Variants in SLC39A8 observed in about 807,000 individuals in gnomAD.
SLC39A8 encodes solute carrier family 39 member 8.
In SLC39A8, 15 loss-of-function variants were observed where a neutral mutation model predicts 40.4. The observed-to-expected ratio is 0.37, with a 90% CI of 0.25 to 0.57. SLC39A8 has a LOEUF of 0.57. SLC39A8 is among the 20% of genes least tolerant of loss of function. The pLI is 0.75. For synonymous variants in SLC39A8, 223 were observed against 221.6 expected (o/e 1.01, Z -0.06); for missense variants, 472 against 558.8 (o/e 0.84, Z 1.57).
At chr4:102,267,188 A>G (rs1356606485) in intron 8 of SLC39A8, among the ~76,000 whole-genome samples, 2 of 151,894 alleles carry the variant, frequency 1.3e-5, no homozygotes, top group African/African-American at 4.9e-5. Flanking sequence ...AACATAAGAC[A>G]AGATGTACCA....
intron 6 of SLC39A8, among the ~76,000 whole-genome samples, chr4:102,282,025 C>T (rs1732905364): frequency 6.6e-6 from 1 of 152,210 alleles, no homozygotes; most frequent in Non-Finnish European, 1.5e-5. Flanking sequence ...TTAATCTTCA[C>T]AACTGCCCTA....
At chr4:102,344,981 G>C in intron 1 of SLC39A8, 66 bp from the exon 2 acceptor site, 1 of 1,055,348 alleles carries the variant, frequency 9.5e-7, no homozygotes, top group Non-Finnish European at 1.2e-6. Flanking sequence ...GCAGGCTCCA[G>C]AAACGCTGCG....
chr4:102,274,135 G>A (rs550689114), intron 6 of SLC39A8, among the ~76,000 whole-genome samples: 1 of 152,172 alleles, frequency 6.6e-6, no homozygotes, highest in Non-Finnish European at 1.5e-5. Flanking sequence ...CAGAAGGTGG[G>A]TAAAAACAAA....
intron 6 of SLC39A8, among the ~76,000 whole-genome samples, chr4:102,274,600 A>C (rs1732529608): frequency 6.6e-6 from 1 of 152,180 alleles, no homozygotes; most frequent in Admixed American, 6.5e-5. Flanking sequence ...AAATACAGAG[A>C]ACACCACTAA....
At position 102,253,621 on chromosome 4, in the gene SLC39A8, A is replaced by G. The variant is rs1037471856; in HGVS notation, c.*299-191T>C. On this transcript the variant is annotated intron_variant and NMD_transcript_variant, in intron 11 of 11. Transcript: ENST00000424970. ...AATAATATATTTTGAATAATTCAAAAATCCCACCAAGACTTCTTCTAATTT... is the reference window on the plus strand; with the variant it reads ...AATAATATATTTTGAATAATTCAAAGATCCCACCAAGACTTCTTCTAATTT... Among the ~76,000 whole-genome samples the G allele has an allele frequency of 5.3e-5, 8 of 152,320 alleles. 1 individual carries two copies. The highest frequency in any genetic ancestry group is 3.9e-4 in the Admixed American group (6 of 15,302).
In SLC39A8 at chr4:102,344,495, T is replaced by A; in HGVS notation, c.168A>T (p.Gly56=). 1 of 1,554,998 alleles carries A rather than the reference T, an allele frequency of 6.4e-7. No homozygotes were observed. Among genetic ancestry groups the A allele is most frequent in the South Asian group, 1.2e-5 (1 of 83,638 alleles). The stretch of plus-strand genomic sequence containing the variant: ...CCGGGACGCCCACGCGGGAGGCGGC[T>A]CCCATCTGCTCCAGCAAGTGCTGGA... ...AQLQHLLEQM[G]AASRVGVPEP... Residue 56 remains glycine, a synonymous_variant, in exon 2 of 9, where the codon GGA becomes GGT. Coordinates refer to ENST00000356736, the MANE Select transcript of SLC39A8 (RefSeq NM_001135146.2).
At chr4:102,270,416 C>G (rs572808347) in intron 6 of SLC39A8, among the ~76,000 whole-genome samples, 8 of 152,140 alleles carry the variant, frequency 5.3e-5, no homozygotes, top group Non-Finnish European at 1.0e-4. Flanking sequence ...AGTCAGCAAA[C>G]CTTCACAGAA....
chr4:102,259,606 T>C, downstream of SLC39A8: 1 of 1,009,896 alleles, frequency 9.9e-7, no homozygotes. Flanking sequence ...AGCCCCGCCA[T>C]GGCTTATTTC....
chr4:102,303,537 T>C (rs1220567844), intron 6 of SLC39A8, among the ~76,000 whole-genome samples: 1 of 151,910 alleles, frequency 6.6e-6, no homozygotes, highest in East Asian at 1.9e-4. Context: ...ATGGAAAAGA[T>C]AGCCTACAGT....
chr4:102,317,130 A>G (rs181207904), intron 2 of SLC39A8, among the ~76,000 whole-genome samples: 7 of 152,316 alleles, frequency 4.6e-5, no homozygotes, highest in Admixed American at 4.6e-4. Context: ...AATGGTATCA[A>G]TAACTCAAAG....
intron 3 of SLC39A8, among the ~76,000 whole-genome samples, chr4:102,307,903 C>A (rs1734260078): frequency 6.6e-6 from 1 of 151,788 alleles, no homozygotes; most frequent in Non-Finnish European, 1.5e-5. Flanking sequence ...CAGCGACAAA[C>A]AATCTGAGAT....
chr4:102,338,186 CTTT>C (rs568941438), intron 2 of SLC39A8, among the ~76,000 whole-genome samples: 7 of 131,170 alleles, frequency 5.3e-5, no homozygotes, highest in African/African-American at 1.9e-4. Flanking sequence ...CATCTTATTT[CTTT>C]TTTTTTTTTT....
chr4:102,338,131 G>A (rs532945682), intron 2 of SLC39A8, among the ~76,000 whole-genome samples: 13 of 150,454 alleles, frequency 8.6e-5, no homozygotes, highest in Admixed American at 2.6e-4. Context: ...GTCTGCTTTC[G>A]TGATTACTGC....
intron 6 of SLC39A8, among the ~76,000 whole-genome samples, chr4:102,281,780 G>A (rs17032416): frequency 0.041 from 6,286 of 152,172 alleles, 422 homozygotes; most frequent in African/African-American, 0.14. Flanking sequence ...GTGAGAAGTA[G>A]GAGCCACACA....
intron 2 of SLC39A8, among the ~76,000 whole-genome samples, chr4:102,319,320 T>C (rs1316810213): frequency 5.3e-5 from 8 of 152,186 alleles, no homozygotes; most frequent in Non-Finnish European, 7.4e-5. Context: ...TTTTACACAA[T>C]TGAGATCTGG....
At position 102,301,453 on chromosome 4, in the gene SLC39A8, C is replaced by CTTTAGTTTCATCAAGGTAGGTTA. The variant is rs367856342; in HGVS notation, c.840+2841_840+2863dup. The stretch of plus-strand genomic sequence containing the variant: ...CACACATCACTCTCACATCACCATG[C>CTTTAGTTTCATCAAGGTAGGTTA]TTTAGTTTCATCAAGGTAGGTTATT... On this transcript the variant is annotated intron_variant, in intron 6 of 8. Transcript: ENST00000356736. Among the ~76,000 whole-genome samples, 1,119 of 152,144 alleles carry CTTTAGTTTCATCAAGGTAGGTTA rather than the reference C, an allele frequency of 7.4e-3. 9 individuals are homozygous for CTTTAGTTTCATCAAGGTAGGTTA. The highest frequency in any genetic ancestry group is 0.026 in the African/African-American group (1,065 of 41,528).
At chr4:102,335,775 G>A (rs1228448446) in intron 2 of SLC39A8, among the ~76,000 whole-genome samples, 2 of 152,198 alleles carry the variant, frequency 1.3e-5, no homozygotes, top group Non-Finnish European at 2.9e-5. Context: ...AAGGGAAGTG[G>A]AGGTAAACTG....
At chr4:102,298,660 C>T (rs1733778915) in intron 6 of SLC39A8, among the ~76,000 whole-genome samples, 1 of 152,018 alleles carries the variant, frequency 6.6e-6, no homozygotes, top group Non-Finnish European at 1.5e-5. Context: ...GAAATGCCCT[C>T]TTGAAGCTAT....
chr4:102,316,053 A>G (rs1372575737), intron 2 of SLC39A8, among the ~76,000 whole-genome samples: 1 of 152,126 alleles, frequency 6.6e-6, no homozygotes, highest in Non-Finnish European at 1.5e-5. Context: ...CTTAATCAAC[A>G]GCTTTCCTAC....
Sources: gnomAD v4.1 joint callset for allele counts (sites outside exome capture counted in the v4.1 genomes callset) on GRCh38, gnomAD v4.1.1 for gene constraint, MANE v1.5 for transcripts, NCBI Gene and HGNC (gene_info 2026-07-23, HGNC 2026-07-21) for gene names.